The following ZDHHC11 variants were observed in gnomAD, a reference collection of about 807,000 sequenced individuals.
The protein encoded by ZDHHC11 is zDHHC palmitoyltransferase 11.
A neutral mutation model predicts 51.3 loss-of-function variants in ZDHHC11; 44 were observed. That is an observed-to-expected ratio of 0.86 (90% CI 0.67 to 1.10). The LOEUF (loss-of-function observed/expected upper bound fraction) is 1.10, where lower values mean the gene tolerates loss of function less well. Ranked by LOEUF, ZDHHC11 falls within the 50% of genes least tolerant of loss-of-function variation. The pLI, the probability that ZDHHC11 is intolerant of heterozygous loss-of-function variation, is 0.00. For missense variants in ZDHHC11, 400 were observed against 537.7 expected (o/e 0.74, Z 2.53); for synonymous variants, 163 against 222.0 (o/e 0.73, Z 2.36).
chr5:799,563 C>G (rs2150274534), intron 12 of ZDHHC11, among the ~76,000 whole-genome samples: 1 of 151,552 alleles, frequency 6.6e-6, no homozygotes, highest in East Asian at 1.9e-4. Context: ...TCCACAGAAG[C>G]TGTCAGTTTT....
At position 814,782 on chromosome 5, in the gene ZDHHC11, G is replaced by T; in HGVS notation, c.1160C>A (p.Ala387Asp). The T allele has an allele frequency of 6.5e-7, 1 of 1,548,012 alleles. No homozygotes were observed. The highest frequency in any genetic ancestry group is 8.7e-7 in the Non-Finnish European group (1 of 1,146,430). Residue 387 changes from alanine (A) to aspartate (D), a missense_variant, in exon 11 of 13, where the codon GCC becomes GAC. Around this residue, in one of 5 missense-constraint regions of ZDHHC11, gnomAD observed 231 missense variants for 227.4 expected, o/e 1.02. Coordinates refer to ENST00000283441, the MANE Select transcript of ZDHHC11 (RefSeq NM_024786.3). ...GGSMAQEADD[A>D]PSISTLGLQQ... ...TTACCCAAGTGTAGATATACTCGGGGCATCATCTGCTTCCTGTGGGGGGAA... is the reference window on the plus strand; with the variant it reads ...TTACCCAAGTGTAGATATACTCGGGTCATCATCTGCTTCCTGTGGGGGGAA...
rs140407206 is a variant in ZDHHC11, at chr5:857,252, C to T, written c.-1+1622G>A. Among the ~76,000 whole-genome samples, 730 of 152,308 alleles carry T rather than the reference C, an allele frequency of 4.8e-3. 4 individuals are homozygous for T. The highest frequency in any genetic ancestry group is 8.4e-3 in the Non-Finnish European group (574 of 68,020). ...GGCTGCCCAGCACCGGGGCCTGCAG[C>T]GCAATCCTGTGTGGTGGACCCCAGG... On this transcript the variant is annotated intron_variant, in intron 1 of 3. Coordinates refer to the ZDHHC11 transcript ENST00000685990.
chr5:844,461 G>A (rs866994869), intron 3 of ZDHHC11, among the ~76,000 whole-genome samples: 1,578 of 151,248 alleles, frequency 0.01, no homozygotes, highest in African/African-American at 0.037. Flanking sequence ...CAGCTCTGGG[G>A]CCTCTGCCCG....
chr5:807,461 T>C (rs1739436135), intron 11 of ZDHHC11, among the ~76,000 whole-genome samples: 1 of 151,438 alleles, frequency 6.6e-6, no homozygotes, highest in Non-Finnish European at 1.5e-5. Flanking sequence ...TTGTTGGTGC[T>C]TCCTCCACTA....
chr5:799,508 C>T (rs1450627802), intron 12 of ZDHHC11, among the ~76,000 whole-genome samples: 18 of 150,712 alleles, frequency 1.2e-4, no homozygotes, highest in South Asian at 4.2e-4. Context: ...CTGTTGCTCA[C>T]GGAAGGGAGT....
chr5:833,443 G>A (rs2150365902), intron 7 of ZDHHC11, among the ~76,000 whole-genome samples: 1 of 151,968 alleles, frequency 6.6e-6, no homozygotes. Flanking sequence ...GAGATCATAA[G>A]AAATACATTC....
intron 8 of ZDHHC11, chr5:823,933 A>T (rs1741907747): frequency 2.5e-6 from 1 of 397,750 alleles, no homozygotes; most frequent in East Asian, 7.2e-5. Context: ...GGCTCAATCG[A>T]TTTCCACCGA....
intron 8 of ZDHHC11, 70 bp downstream of exon 8, chr5:825,094 G>A (rs4997173): frequency 0.084 from 124,381 of 1,474,558 alleles, 6,825 homozygotes; most frequent in Admixed American, 0.21. Context: ...CCTCAGCTTG[G>A]GGGACCCGAG....
At chr5:797,713 C>A (rs1579502569) in intron 12 of ZDHHC11, among the ~76,000 whole-genome samples, 1 of 151,718 alleles carries the variant, frequency 6.6e-6, no homozygotes, top group South Asian at 2.1e-4. Context: ...TTTTGGTCTG[C>A]CAAATTCAAC....
intron 3 of ZDHHC11, among the ~76,000 whole-genome samples, chr5:844,490 G>C (rs1221387688): frequency 1.3e-5 from 2 of 152,298 alleles, no homozygotes; most frequent in African/African-American, 4.8e-5. Context: ...GACTCCACCT[G>C]ATGCAGACAG....
intron 3 of ZDHHC11, among the ~76,000 whole-genome samples, 184 bp from the exon 4 acceptor site, chr5:843,908 AGGGACACGCAGGGCATCTG>A (rs1745584949): frequency 2.8e-5 from 3 of 106,682 alleles, no homozygotes; most frequent in African/African-American, 1.5e-4. Flanking sequence ...AGGCAGGGGC[AGGGACACGCAGGGCATCTG>A]AGGCAGGGGC....
At chr5:802,771 A>T (rs1322022219) in intron 11 of ZDHHC11, among the ~76,000 whole-genome samples, 1 of 133,518 alleles carries the variant, frequency 7.5e-6, no homozygotes, top group Non-Finnish European at 1.6e-5. Context: ...CAGGAGATCG[A>T]GACCATCCTG....
In ZDHHC11 at chr5:850,564, T is replaced by C. The variant is rs371209056; in HGVS notation, c.39A>G (p.Pro13=). ...GCTTTTCATTATTGAGTATGGCTTC[T>C]GGGGTGACGGAACACTGGCTCCCGG... is the stretch of plus-strand genomic sequence containing the variant. The part of the protein sequence containing the change: ...TRSGSQCSVT[P]EAILNNEKLV... Residue 13 remains proline, a synonymous_variant, in exon 1 of 13, where the codon CCA becomes CCG. Transcript: ENST00000283441. 13 of 1,613,512 alleles carry C rather than the reference T, an allele frequency of 8.1e-6. No homozygotes were observed. The African/African-American group carries it at 1.7e-4, about 22-fold the overall frequency.
chr5:854,091 G>A (rs1393437119), upstream of ZDHHC11, among the ~76,000 whole-genome samples: 1 of 150,612 alleles, frequency 6.6e-6, no homozygotes, highest in East Asian at 2.0e-4. Context: ...CGAGCCGGGG[G>A]GCACAGACCC....
At chr5:844,435 G>C (rs1479007948) in intron 3 of ZDHHC11, among the ~76,000 whole-genome samples, 1 of 152,254 alleles carries the variant, frequency 6.6e-6, no homozygotes, top group African/African-American at 2.4e-5. Flanking sequence ...AGGGTCACAC[G>C]GCGTCTCCAG....
intron 4 of ZDHHC11, chr5:841,940 T>A (rs1745052235): frequency 2.0e-6 from 2 of 989,542 alleles, no homozygotes; most frequent in African/African-American, 1.7e-5. Flanking sequence ...AACACCACAC[T>A]CAGCCTGACA....
chr5:802,214 A>ATG (rs1270596074), intron 11 of ZDHHC11, among the ~76,000 whole-genome samples: 1 of 151,342 alleles, frequency 6.6e-6, no homozygotes, highest in African/African-American at 2.4e-5. Context: ...ACCATAGGCA[A>ATG]CAATGGGAGT....
At chr5:845,538 C>T (rs548350026) in intron 3 of ZDHHC11, among the ~76,000 whole-genome samples, 2 of 152,324 alleles carry the variant, frequency 1.3e-5, no homozygotes, top group East Asian at 3.9e-4. Context: ...ACAGTCTTCC[C>T]AGGACACCAG....
upstream of ZDHHC11, among the ~76,000 whole-genome samples, chr5:859,091 G>A (rs151264463): frequency 1.3e-4 from 20 of 152,230 alleles, no homozygotes; most frequent in Non-Finnish European, 2.6e-4. Context: ...AGGAAAGCGT[G>A]AGATGGACTC....
Sources: gnomAD v4.1 joint callset for allele counts (sites outside exome capture counted in the v4.1 genomes callset) on GRCh38, gnomAD v4.1.1 for gene constraint, gnomAD v4.1.1 regional missense constraint, MANE v1.5 for transcripts, NCBI Gene and HGNC (gene_info 2026-07-23, HGNC 2026-07-21) for gene names.